ECE1: variants seen among roughly 807,000 people sequenced by gnomAD.
ECE1 encodes endothelin-converting enzyme 1.
A neutral mutation model predicts 98.6 loss-of-function variants in ECE1; 35 were observed. The ratio of observed to expected loss-of-function variants is 0.35; its 90% CI spans 0.27 to 0.47. The LOEUF (loss-of-function observed/expected upper bound fraction) is 0.47, where lower values mean the gene tolerates loss of function less well. Among genes scored for constraint, ECE1 ranks in the 20% least tolerant of loss-of-function variants. ECE1 has a pLI of 1.00. For synonymous variants in ECE1, 394 were observed against 407.1 expected (o/e 0.97, Z 0.39); for missense variants, 814 against 1,025.3 (o/e 0.79, Z 2.81).
At position 21,289,594 on chromosome 1, in the gene ECE1, G is replaced by C. The variant is rs145166024; in HGVS notation, c.138+476C>G. Among the ~76,000 whole-genome samples, 17 of 152,290 alleles carry C rather than the reference G, an allele frequency of 1.1e-4. 1 individual carries two copies. The East Asian group carries it at 3.3e-3, about 29-fold the overall frequency. ...TTGGGAGGGCAAGAGGAAGAGGGTG[G>C]TACTGCCTCCCGGATAAGGTGACCA... On this transcript the variant is annotated intron_variant, in intron 2 of 18. Transcript: ENST00000374893.
At chr1:21,254,724 A>G (rs1028785923) in intron 8 of ECE1, among the ~76,000 whole-genome samples, 5 of 115,146 alleles carry the variant, frequency 4.3e-5, no homozygotes, top group Non-Finnish European at 9.8e-5. Context: ...CAGAGCAGGA[A>G]AAGAGTGCCA....
At position 21,290,174 on chromosome 1, in the gene ECE1, G is replaced by C. The variant is rs754510012; in HGVS notation, c.52-18C>G. 1 of 1,543,864 alleles carries C rather than the reference G, an allele frequency of 6.5e-7. No individual in the cohort carries two copies. The highest frequency in any genetic ancestry group is 8.7e-7 in the Non-Finnish European group (1 of 1,147,560). ...GTCGACATCTGCAAGGCCAAATGCAGCACGGACTCCCTCAGCGCCTCCATG... is the reference window on the plus strand; with the variant it reads ...GTCGACATCTGCAAGGCCAAATGCACCACGGACTCCCTCAGCGCCTCCATG... On this transcript the variant is annotated intron_variant, in intron 1 of 18. Coordinates refer to ENST00000374893, the MANE Select transcript of ECE1 (RefSeq NM_001397.3). The surrounding 1 kb of genome is among the most constrained non-coding windows in gnomAD (Gnocchi z 7.3).
At chr1:21,263,571 G>T (rs1277117160) in intron 4 of ECE1, among the ~76,000 whole-genome samples, 1 of 151,966 alleles carries the variant, frequency 6.6e-6, no homozygotes, top group Admixed American at 6.5e-5. Context: ...TGGCCAGGAT[G>T]GTCTCAATCT....
rs546695853 is a variant in ECE1, at chr1:21,236,011, T to C, written c.1489-84A>G. 2.3e-5 allele frequency: 30 copies of C among 1,325,722 alleles called. No individual in the cohort carries two copies. The South Asian group carries it at 3.0e-4, about 13-fold the overall frequency. 82.1% of individuals were successfully genotyped at this position (1,325,722 alleles called of 1,614,324 possible). On this transcript the variant is annotated intron_variant, in intron 12 of 18. Coordinates refer to ENST00000374893, the MANE Select transcript of ECE1 (RefSeq NM_001397.3). ...CAACTTGGGTGCTGGGCTCATAGTC[T>C]GGGCCAAGGGGAACCAGAGCCAGGC...
chr1:21,284,949 T>C (rs1449031196), intron 2 of ECE1, among the ~76,000 whole-genome samples: 3 of 152,104 alleles, frequency 2.0e-5, no homozygotes, highest in Non-Finnish European at 2.9e-5. Flanking sequence ...TGAGAGCAAG[T>C]CGACTGTGAC....
chr1:21,271,190 C>G (rs932152647), intron 4 of ECE1, among the ~76,000 whole-genome samples: 5 of 152,206 alleles, frequency 3.3e-5, no homozygotes, highest in African/African-American at 1.2e-4. Flanking sequence ...GCAGCTGCTG[C>G]TGCTGCTTCA....
intron 1 of ECE1, among the ~76,000 whole-genome samples, chr1:21,296,724 C>T (rs1638364467): frequency 6.6e-6 from 1 of 152,206 alleles, no homozygotes; most frequent in Non-Finnish European, 1.5e-5. Flanking sequence ...AGCCCAAACC[C>T]AGATCTTCCT....
intron 1 of ECE1, among the ~76,000 whole-genome samples, chr1:21,301,904 C>T (rs1051637328): frequency 6.6e-6 from 1 of 151,334 alleles, no homozygotes; most frequent in African/African-American, 2.4e-5. Context: ...CAGGCCCTCA[C>T]CACAACCCTG....
At chr1:21,248,200 TCA>T (rs1017622755) in intron 8 of ECE1, among the ~76,000 whole-genome samples, 18 of 151,682 alleles carry the variant, frequency 1.2e-4, no homozygotes, top group Non-Finnish European at 1.9e-4. Context: ...AGACGGAGTC[TCA>T]CTCTCTTGTC....
At chr1:21,264,487 G>A (rs372529365) in intron 4 of ECE1, among the ~76,000 whole-genome samples, 204 of 152,208 alleles carry the variant, frequency 1.3e-3, no homozygotes, top group African/African-American at 4.8e-3. Context: ...GCTAATTTTT[G>A]TATTTTTAGT....
intron 1 of ECE1, among the ~76,000 whole-genome samples, chr1:21,317,121 A>G (rs6691421): frequency 0.16 from 24,566 of 152,070 alleles, 2,344 homozygotes; most frequent in Non-Finnish European, 0.22. Flanking sequence ...TAAGCTGAAC[A>G]CTTACATACC....
At chr1:21,273,062 A>G in intron 3 of ECE1, 151 bp from the exon 4 acceptor site, 2 of 803,688 alleles carry the variant, frequency 2.5e-6, no homozygotes, top group Non-Finnish European at 4.2e-6. Flanking sequence ...ACCCCTACAG[A>G]GAAATGATTT....
chr1:21,343,077 G>A (rs912661991), intron 1 of ECE1, among the ~76,000 whole-genome samples: 3 of 151,968 alleles, frequency 2.0e-5, no homozygotes, highest in Non-Finnish European at 4.4e-5. Flanking sequence ...TCCCCCTCCC[G>A]GGACACCCCT....
At chr1:21,330,589 C>T (rs1639178541) in intron 1 of ECE1, among the ~76,000 whole-genome samples, 1 of 152,166 alleles carries the variant, frequency 6.6e-6, no homozygotes, top group African/African-American at 2.4e-5. Flanking sequence ...CTCCCACAGG[C>T]CTGGGAGCTC....
intron 3 of ECE1, among the ~76,000 whole-genome samples, chr1:21,276,494 T>C (rs1451047270): frequency 6.6e-6 from 1 of 152,228 alleles, no homozygotes; most frequent in Non-Finnish European, 1.5e-5. Flanking sequence ...CTGGACAGCC[T>C]GGCCTCAAAA....
intron 4 of ECE1, among the ~76,000 whole-genome samples, chr1:21,270,372 C>T (rs1054727600): frequency 6.6e-6 from 1 of 152,254 alleles, no homozygotes; most frequent in African/African-American, 2.4e-5. Context: ...GCTCTGCGCC[C>T]CCTGCAGGTT....
chr1:21,238,971 TGCCTGGCTAA>T lies in ECE1; in HGVS notation c.1279-737_1279-728del, dbSNP rs2098192021. Among the ~76,000 whole-genome samples, 6 of 151,936 alleles carry T rather than the reference TGCCTGGCTAA, an allele frequency of 3.9e-5. No homozygotes were observed. The South Asian group carries it at 1.2e-3, about 32-fold the overall frequency. On this transcript the variant is annotated intron_variant, in intron 10 of 18. Coordinates refer to ENST00000374893, the MANE Select transcript of ECE1 (RefSeq NM_001397.3). ...CTGGGACAACAGGTGCAGGCCACTA[TGCCTGGCTAA>T]TTTTTTCTATTTAAAAATTTTTTTT...
At chr1:21,231,566 T>G (rs554795015) in intron 14 of ECE1, among the ~76,000 whole-genome samples, 1 of 152,154 alleles carries the variant, frequency 6.6e-6, no homozygotes, top group Admixed American at 6.6e-5. Flanking sequence ...GGTCTTGAAC[T>G]CCTGACCTCA....
chr1:21,315,040 C>T (rs1638803670), intron 1 of ECE1, among the ~76,000 whole-genome samples: 2 of 152,152 alleles, frequency 1.3e-5, no homozygotes, highest in Non-Finnish European at 2.9e-5. Context: ...AGTAGAAAAC[C>T]CTCCCTTGTA....
Sources: allele counts gnomAD v4.1 joint callset (sites outside exome capture counted in the v4.1 genomes callset), GRCh38; gene constraint gnomAD v4.1.1; non-coding constraint Gnocchi (gnomAD v3.1); transcripts MANE v1.5; gene names NCBI Gene and HGNC (gene_info 2026-07-23, HGNC 2026-07-21).